The following FBXO25 variants were observed in gnomAD, a reference collection of about 807,000 sequenced individuals.
The protein encoded by FBXO25 is F-box protein 25, also known as F-box only protein 25.
In FBXO25, 45 loss-of-function variants were observed where a neutral mutation model predicts 51.9. The ratio of observed to expected loss-of-function variants is 0.87; its 90% CI spans 0.68 to 1.11. FBXO25 has a LOEUF of 1.11. Ranked by LOEUF, FBXO25 falls within the 50% of genes most tolerant of loss-of-function variation. The probability of loss-of-function intolerance (pLI) is 0.00; values close to 1 mark genes in which losing one functional copy is unlikely to be tolerated. For missense variants in FBXO25, 507 were observed against 428.5 expected (o/e 1.18, Z -1.62); for synonymous variants, 199 against 151.0 (o/e 1.32, Z -2.33).
At position 468,695 on chromosome 8, in the gene FBXO25, C is replaced by G. The variant is rs374443754; in HGVS notation, c.988-20C>G. 1.9e-6 allele frequency: 3 copies of G among 1,609,572 alleles called. No homozygotes were observed. Among genetic ancestry groups the G allele is most frequent in the African/African-American group, 2.7e-5 (2 of 74,754 alleles). On this transcript the variant is annotated intron_variant, in intron 9 of 9. Coordinates refer to ENST00000350302, the MANE Select transcript of FBXO25 (RefSeq NM_183420.2). ...GCTGGTGGTGGGGCCCCCTCCTAACCATCTCCCACCTCCCCACAGGACTCA... is the reference window on the plus strand; with the variant it reads ...GCTGGTGGTGGGGCCCCCTCCTAACGATCTCCCACCTCCCCACAGGACTCA...
chr8:443,060 T>C (rs1284973108), intron 5 of FBXO25, among the ~76,000 whole-genome samples: 9 of 151,854 alleles, frequency 5.9e-5, no homozygotes, highest in Admixed American at 4.6e-4. Flanking sequence ...GCCATTTCCA[T>C]TGAAGGAAGT....
chr8:428,989 C>G (rs984249430), intron 2 of FBXO25, among the ~76,000 whole-genome samples: 3 of 152,176 alleles, frequency 2.0e-5, no homozygotes, highest in Non-Finnish European at 2.9e-5. Context: ...GCAAGTAATA[C>G]TGCTATGAAC....
Position 424,141 on chromosome 8 carries a change from C to T in FBXO25, c.135-7200C>T, listed in dbSNP as rs548465042. Among the ~76,000 whole-genome samples the T allele has an allele frequency of 1.3e-4, 18 of 134,838 alleles. 1 individual carries two copies. In the East Asian group the frequency reaches 3.6e-3, roughly 27 times the overall value. The allele number at this position is 134,838 out of a possible 152,430, so 88.5% of individuals were successfully genotyped here. A position where few individuals can be genotyped will look rare whatever the true frequency, so the allele number is the denominator to read the frequency against. On this transcript the variant is annotated intron_variant, in intron 2 of 9. Coordinates refer to ENST00000350302, the MANE Select transcript of FBXO25 (RefSeq NM_183420.2). Reference sequence around the variant, plus strand: ...CCATTTTTTTTTTTTTTTTTTGAGACAGAGTCTCACTCTGACACCCAGGCT... The same window carrying T: ...CCATTTTTTTTTTTTTTTTTTGAGATAGAGTCTCACTCTGACACCCAGGCT...
In FBXO25 at chr8:477,038, C is replaced by T. The variant is rs1800666994; in HGVS notation, c.*8234C>T. On this transcript the variant is annotated 3_prime_UTR_variant, in exon 10 of 10. Coordinates refer to ENST00000350302, the MANE Select transcript of FBXO25 (RefSeq NM_183420.2). ...ATTTTCTAATTTCCCTTGTGAGTTC[C>T]CCATTAATCTGCTGGTTGAGAGCGT... is the stretch of plus-strand genomic sequence containing the variant. 6.6e-6 allele frequency: 1 copy of T among 152,134 alleles called. No homozygotes were observed. The highest frequency in any genetic ancestry group is 6.5e-5 in the Admixed American group (1 of 15,274). The allele number at this position is 152,134 out of a possible 1,614,324, so 9.4% of individuals were successfully genotyped here.
intron 5 of FBXO25, among the ~76,000 whole-genome samples, chr8:444,716 C>G (rs551308551): frequency 6.6e-6 from 1 of 152,030 alleles, no homozygotes; most frequent in Non-Finnish European, 1.5e-5. Context: ...CGTGTAGTGT[C>G]GTGGCCACAT....
rs1800582225 is a variant in FBXO25, at chr8:474,413, ATC to A, written c.*5611_*5612del. The A allele has an allele frequency of 1.1e-5, 3 of 284,742 alleles. No homozygotes were observed. Among genetic ancestry groups the A allele is most frequent in the South Asian group, 1.0e-4 (3 of 29,052 alleles). 17.6% of individuals were successfully genotyped at this position (284,742 alleles called of 1,614,324 possible). A position where few individuals can be genotyped will look rare whatever the true frequency, so the allele number is the denominator to read the frequency against. ...CTGCCGTAAACATGGGTGTGCAAAT[ATC>A]TGAGTCTCTGCTTTCAATCATATGG... On this transcript the variant is annotated 3_prime_UTR_variant, in exon 10 of 10. Coordinates refer to ENST00000350302, the MANE Select transcript of FBXO25 (RefSeq NM_183420.2).
intron 9 of FBXO25, among the ~76,000 whole-genome samples, chr8:464,004 C>G (rs1318592554): frequency 6.6e-6 from 1 of 152,112 alleles, no homozygotes; most frequent in Non-Finnish European, 1.5e-5. Flanking sequence ...CTTGCTCTGT[C>G]ACCCAGGCAG....
At chr8:451,958 C>G (rs1483678740) in intron 7 of FBXO25, among the ~76,000 whole-genome samples, 3 of 152,142 alleles carry the variant, frequency 2.0e-5, no homozygotes, top group African/African-American at 7.2e-5. Context: ...CTAGTTTCAA[C>G]AAGAATAATG....
chr8:437,293 G>A (rs1798158750), intron 5 of FBXO25, among the ~76,000 whole-genome samples: 1 of 152,184 alleles, frequency 6.6e-6, no homozygotes, highest in Admixed American at 6.5e-5. Context: ...CAACCCTCTT[G>A]AGAAGGGCTG....
chr8:459,276 T>A (rs1799653521), intron 8 of FBXO25, among the ~76,000 whole-genome samples: 1 of 152,184 alleles, frequency 6.6e-6, no homozygotes, highest in Admixed American at 6.5e-5. Context: ...GGTCAGCACC[T>A]TGAAGACCTA....
In FBXO25 at chr8:476,150, T is replaced by C. The variant is rs139208986; in HGVS notation, c.*7346T>C. ...ACATTTTTTTCCTTCATTCTATTAA[T>C]GTAATAGACATTACATTTATTGACT... On this transcript the variant is annotated 3_prime_UTR_variant, in exon 10 of 10. Transcript: ENST00000350302. 145 of 152,298 alleles carry C rather than the reference T, an allele frequency of 9.5e-4. No individual in the cohort carries two copies. The highest frequency in any genetic ancestry group is 3.3e-3 in the African/African-American group (137 of 41,574). The allele number at this position is 152,298 out of a possible 1,614,324, so 9.4% of individuals were successfully genotyped here.
intron 7 of FBXO25, among the ~76,000 whole-genome samples, chr8:454,540 T>C (rs1037973790): frequency 2.0e-5 from 3 of 152,168 alleles, no homozygotes; most frequent in Non-Finnish European, 4.4e-5. Context: ...ATAACAGATA[T>C]GCACACAGGG....
chr8:447,064 A>G (rs181201049), intron 5 of FBXO25, among the ~76,000 whole-genome samples: 14 of 152,220 alleles, frequency 9.2e-5, no homozygotes, highest in South Asian at 2.1e-4. Flanking sequence ...TTAGGCTAAC[A>G]AAAGCACTCG....
chr8:475,855 C>T lies in FBXO25; in HGVS notation c.*7051C>T, dbSNP rs759428447. The stretch of plus-strand genomic sequence containing the variant: ...CATCTGCAAACAGATAATTTTGCTT[C>T]TTCCTTTCCAGTCTGGATGCCTTTT... On this transcript the variant is annotated 3_prime_UTR_variant, in exon 10 of 10. Coordinates refer to ENST00000350302, the MANE Select transcript of FBXO25 (RefSeq NM_183420.2). The T allele has an allele frequency of 6.6e-6, 1 of 152,078 alleles. No individual in the cohort carries two copies. Among genetic ancestry groups the T allele is most frequent in the Non-Finnish European group, 1.5e-5 (1 of 67,980 alleles). The allele number at this position is 152,078 out of a possible 1,614,324, so 9.4% of individuals were successfully genotyped here.
At chr8:463,879 T>G (rs1303418606) in intron 9 of FBXO25, among the ~76,000 whole-genome samples, 1 of 152,148 alleles carries the variant, frequency 6.6e-6, no homozygotes, top group Non-Finnish European at 1.5e-5. Flanking sequence ...AGTGGCGTCA[T>G]CACGGCTCAC....
At chr8:458,991 CT>C (rs1183757657) in intron 8 of FBXO25, among the ~76,000 whole-genome samples, 1 of 152,180 alleles carries the variant, frequency 6.6e-6, no homozygotes, top group South Asian at 2.1e-4. Context: ...CCCCTCCCCC[CT>C]GCCTTGTGTG....
At chr8:453,244 C>T (rs1236627287) in intron 7 of FBXO25, among the ~76,000 whole-genome samples, 2 of 152,176 alleles carry the variant, frequency 1.3e-5, no homozygotes, top group East Asian at 1.9e-4. Flanking sequence ...TTCGTCATGT[C>T]CACTCAAATC....
intron 9 of FBXO25, among the ~76,000 whole-genome samples, chr8:464,203 G>A (rs1800001494): frequency 6.6e-6 from 1 of 152,142 alleles, no homozygotes; most frequent in African/African-American, 2.4e-5. Context: ...ATATCTATGT[G>A]CCCCAGCTTT....
chr8:468,404 T>C (rs1213304536), intron 9 of FBXO25: 2 of 490,446 alleles, frequency 4.1e-6, no homozygotes, highest in Non-Finnish European at 5.3e-6. Flanking sequence ...TGTGGCCTTG[T>C]AGATTCCGGG....
Sources: allele counts gnomAD v4.1 joint callset (sites outside exome capture counted in the v4.1 genomes callset), GRCh38; gene constraint gnomAD v4.1.1; transcripts MANE v1.5; gene names NCBI Gene and HGNC (gene_info 2026-07-23, HGNC 2026-07-21).